The following ANXA4 variants were observed in gnomAD, a reference collection of about 807,000 sequenced individuals.
ANXA4 encodes the protein 35-beta calcimedin.
A neutral mutation model predicts 49.8 loss-of-function variants in ANXA4; 39 were observed. The observed-to-expected ratio is 0.78, with a 90% CI of 0.61 to 1.02. ANXA4 has a LOEUF of 1.02. Among genes scored for constraint, ANXA4 ranks in the 50% least tolerant of loss-of-function variants. ANXA4 has a pLI of 0.00. For synonymous variants in ANXA4, 134 were observed against 152.5 expected (o/e 0.88, Z 0.89); for missense variants, 360 against 410.1 (o/e 0.88, Z 1.05).
intron 2 of ANXA4, among the ~76,000 whole-genome samples, chr2:69,668,453 A>C (rs1260330004): frequency 6.6e-6 from 1 of 152,084 alleles, no homozygotes. Flanking sequence ...CTCTACAAAA[A>C]ATTTTTTTAA....
At chr2:69,656,916 C>G (rs958599179) in intron 2 of ANXA4, among the ~76,000 whole-genome samples, 3 of 151,946 alleles carry the variant, frequency 2.0e-5, no homozygotes, top group Non-Finnish European at 2.9e-5. Context: ...AGCCTTTCAG[C>G]TGGAAACAAC....
chr2:69,697,868 G>A (rs1034101739), intron 2 of ANXA4, among the ~76,000 whole-genome samples: 1 of 151,810 alleles, frequency 6.6e-6, no homozygotes, highest in Non-Finnish European at 1.5e-5. Flanking sequence ...TCAGGGACTG[G>A]GCAAAGTGGT....
At chr2:69,802,709 CA>C (rs777864730) in intron 3 of ANXA4, among the ~76,000 whole-genome samples, 604 of 122,050 alleles carry the variant, frequency 4.9e-3, no homozygotes, top group Middle Eastern at 0.038. Flanking sequence ...GACTCTGTCT[CA>C]AAAAAAAAAA....
intron 2 of ANXA4, among the ~76,000 whole-genome samples, chr2:69,700,001 G>A (rs1487915665): frequency 2.5e-4 from 38 of 152,312 alleles, no homozygotes; most frequent in Non-Finnish European, 1.0e-4. Flanking sequence ...AGTCAGGAAA[G>A]TGAGCACCCA....
At chr2:69,661,619 A>T (rs1205168995) in intron 2 of ANXA4, among the ~76,000 whole-genome samples, 1 of 152,210 alleles carries the variant, frequency 6.6e-6, no homozygotes, top group Admixed American at 6.5e-5. Context: ...GAGAAAAAAT[A>T]ATAAGAGTTT....
At chr2:69,714,322 G>A (rs1678797342) in intron 2 of ANXA4, among the ~76,000 whole-genome samples, 3 of 152,302 alleles carry the variant, frequency 2.0e-5, no homozygotes, top group South Asian at 2.1e-4. Context: ...TACAGTTTCC[G>A]GAAGGGAGGA....
At chr2:69,686,377 G>T (rs986173787) in intron 2 of ANXA4, among the ~76,000 whole-genome samples, 1 of 152,006 alleles carries the variant, frequency 6.6e-6, no homozygotes, top group Non-Finnish European at 1.5e-5. Flanking sequence ...TAGAGATGGG[G>T]TTCCACCATT....
intron 12 of ANXA4, among the ~76,000 whole-genome samples, chr2:69,824,076 C>T (rs1674356656): frequency 6.6e-6 from 1 of 151,716 alleles, no homozygotes; most frequent in African/African-American, 2.4e-5. Flanking sequence ...AAGACCCTGT[C>T]TCTAAAAATA....
intron 1 of ANXA4, among the ~76,000 whole-genome samples, chr2:69,775,555 C>A (rs1335749820): frequency 6.6e-6 from 1 of 152,150 alleles, no homozygotes; most frequent in Non-Finnish European, 1.5e-5. Flanking sequence ...TTGGCTCATG[C>A]ACAAGGGAGC....
chr2:69,768,688 A>G (rs1355617781), intron 1 of ANXA4, among the ~76,000 whole-genome samples: 1 of 152,222 alleles, frequency 6.6e-6, no homozygotes, highest in Non-Finnish European at 1.5e-5. Flanking sequence ...TGTAAGTCCC[A>G]TGATAGAAAT....
At chr2:69,802,213 ATCTGGCAAGAC>A (rs1157836327) in intron 3 of ANXA4, among the ~76,000 whole-genome samples, 4 of 152,364 alleles carry the variant, frequency 2.6e-5, no homozygotes, top group African/African-American at 9.6e-5. Context: ...ACAAAAATGA[ATCTGGCAAGAC>A]TCTGGGAAGA....
At chr2:69,674,253 AG>A (rs1399889413) in intron 2 of ANXA4, 2 of 152,214 alleles carry the variant, frequency 1.3e-5, no homozygotes, top group Non-Finnish European at 1.5e-5. Flanking sequence ...AGCTGACAGC[AG>A]GTATTCAGAA....
chr2:69,712,728 A>G (rs1358408718), intron 2 of ANXA4, among the ~76,000 whole-genome samples: 1 of 152,230 alleles, frequency 6.6e-6, no homozygotes, highest in African/African-American at 2.4e-5. Context: ...TGGAGGACCA[A>G]CATTAGCAAC....
intron 2 of ANXA4, among the ~76,000 whole-genome samples, chr2:69,667,698 A>G (rs899136111): frequency 6.6e-6 from 1 of 152,072 alleles, no homozygotes; most frequent in African/African-American, 2.4e-5. Context: ...ATTATCAGTT[A>G]TCTATTGACC....
intron 2 of ANXA4, among the ~76,000 whole-genome samples, chr2:69,663,841 G>A (rs781357503): frequency 3.9e-5 from 6 of 152,150 alleles, no homozygotes; most frequent in Non-Finnish European, 8.8e-5. Context: ...AAATAAGAAA[G>A]GTTAAGATTA....
intron 2 of ANXA4, among the ~76,000 whole-genome samples, chr2:69,680,923 T>A (rs998057615): frequency 5.9e-5 from 9 of 152,210 alleles, no homozygotes; most frequent in Non-Finnish European, 1.3e-4. Context: ...CATTGAGGAT[T>A]TTTGCATCTG....
chr2:69,816,466 C>A (rs3771536), intron 9 of ANXA4: 62,520 of 310,908 alleles, frequency 0.2, 6,981 homozygotes, highest in African/African-American at 0.3. Flanking sequence ...ACAGTCAGTC[C>A]TTTTTCTAAA....
chr2:69,782,070 G>A (rs1336540162), intron 2 of ANXA4, among the ~76,000 whole-genome samples: 4 of 152,128 alleles, frequency 2.6e-5, no homozygotes, highest in African/African-American at 4.8e-5. Flanking sequence ...AACAAGCATC[G>A]AATTGAATCC....
chr2:69,683,494 T>A (rs908896505), intron 2 of ANXA4, among the ~76,000 whole-genome samples: 4 of 152,226 alleles, frequency 2.6e-5, no homozygotes, highest in African/African-American at 9.7e-5. Context: ...TCCCTTGTCA[T>A]TATCTTGTTT....
Sources: allele counts gnomAD v4.1 joint callset (sites outside exome capture counted in the v4.1 genomes callset), GRCh38; gene constraint gnomAD v4.1.1; transcripts MANE v1.5; gene names NCBI Gene and HGNC (gene_info 2026-07-23, HGNC 2026-07-21).